HAUS5: variants seen among roughly 807,000 people sequenced by gnomAD.
HAUS5 encodes HAUS augmin like complex subunit 5, also known as HAUS augmin-like complex subunit 5.
HAUS5 carries 67 observed loss-of-function variants against 94.1 expected under a neutral mutation model. The observed-to-expected ratio is 0.71, with a 90% confidence interval of 0.58 to 0.87. The LOEUF (loss-of-function observed/expected upper bound fraction) is 0.87, where lower values mean the gene tolerates loss of function less well. Ranked by LOEUF, HAUS5 falls within the 40% of genes least tolerant of loss-of-function variation. The pLI, the probability that HAUS5 is intolerant of heterozygous loss-of-function variation, is 0.00. For missense variants in HAUS5, 739 were observed against 825.6 expected (o/e 0.90, Z 1.29); for synonymous variants, 339 against 355.4 (o/e 0.95, Z 0.52).
At chr19:35,614,170 C>A in intron 4 of HAUS5, 111 bp downstream of exon 4, 4 of 937,872 alleles carry the variant, frequency 4.3e-6, no homozygotes, top group Non-Finnish European at 6.9e-6. Context: ...GGTCACAAGA[C>A]AGCCTTGATC....
At chr19:35,620,627 C>T (rs1057041591) in intron 17 of HAUS5, among the ~76,000 whole-genome samples, 1 of 152,202 alleles carries the variant, frequency 6.6e-6, no homozygotes, top group African/African-American at 2.4e-5. Context: ...AGCTACACTG[C>T]CGTCGACTTT....
At chr19:35,617,393 A>G (rs769285187) in intron 8 of HAUS5, 24 bp downstream of exon 8, 1 of 1,541,006 alleles carries the variant, frequency 6.5e-7, no homozygotes, top group South Asian at 1.1e-5. Context: ...GCCCCCAGAG[A>G]CCCTGTAAAG....
intron 6 of HAUS5, 98 bp from the exon 7 acceptor site, chr19:35,617,026 G>A: frequency 2.1e-6 from 2 of 974,352 alleles, no homozygotes; most frequent in Non-Finnish European, 3.3e-6. Context: ...TCTAGGCTTA[G>A]TGATTCCTCT....
Position 35,617,384 on chromosome 19 carries a change from C to G in HAUS5, c.638+15C>G, listed in dbSNP as rs771306960. 6.4e-7 allele frequency: 1 copy of G among 1,565,430 alleles called. No individual in the cohort carries two copies. The highest frequency in any genetic ancestry group is 1.7e-5 in the Admixed American group (1 of 59,472). ...GGCAGCCTCCCGTGAGTGTCCCTAG[C>G]CCCCAGAGACCCTGTAAAGACCCTG... On this transcript the variant is annotated intron_variant, in intron 8 of 18. Coordinates refer to ENST00000203166, the MANE Select transcript of HAUS5 (RefSeq NM_015302.2).
chr19:35,622,553 C>T (rs759677121), intron 17 of HAUS5, 48 bp from the exon 18 acceptor site: 10 of 1,597,406 alleles, frequency 6.3e-6, no homozygotes, highest in Non-Finnish European at 2.6e-6. Flanking sequence ...TGTAAGGTAC[C>T]AGCGAGCCAG....
chr19:35,615,841 G>C (rs2071937928), intron 6 of HAUS5, among the ~76,000 whole-genome samples: 1 of 152,208 alleles, frequency 6.6e-6, no homozygotes, highest in Non-Finnish European at 1.5e-5. Flanking sequence ...GGAATAGCAA[G>C]AGCAGAGGTG....
rs1967245365 is a variant in HAUS5 at position 35,623,194 on chromosome 19, AC to A, written c.*205del. 1.1e-5 allele frequency: 6 copies of A among 563,154 alleles called. No individual in the cohort carries two copies. The highest frequency in any genetic ancestry group is 1.9e-5 in the African/African-American group (1 of 52,598). The allele number at this position is 563,154 out of a possible 1,614,324, so 34.9% of individuals were successfully genotyped here. A position where few individuals can be genotyped will look rare whatever the true frequency, so the allele number is the denominator to read the frequency against. The stretch of plus-strand genomic sequence containing the variant: ...TCATCCCGCTAAAGCACCCCCTAAA[AC>A]CCCTTCATCACTTTCATTCTCAGCA... On this transcript the variant is annotated 3_prime_UTR_variant, in exon 19 of 19. Coordinates refer to ENST00000203166, the MANE Select transcript of HAUS5 (RefSeq NM_015302.2).
Position 35,618,912 on chromosome 19 carries a change from C to A in HAUS5, c.1042C>A (p.Arg348Ser), listed in dbSNP as rs778220521. 1.2e-6 allele frequency: 2 copies of A among 1,610,850 alleles called. No individual in the cohort carries two copies. The highest frequency in any genetic ancestry group is 1.7e-6 in the Non-Finnish European group (2 of 1,178,588). Reference sequence around the variant, plus strand: ...GCAGGTGCTGATACTGGGGCTTCGGCGCTGTTGCCTGTGGACGGAGCTCAA... The same window carrying A: ...GCAGGTGCTGATACTGGGGCTTCGGAGCTGTTGCCTGTGGACGGAGCTCAA... ...ERQVLILGLR[R>S]CCLWTELKAL... Residue 348 changes from arginine (R) to serine (S), a missense_variant, in exon 13 of 19, where the codon CGC (arginine) becomes AGC (serine). Physicochemically the swap from Arg to Ser is moderately radical, Grantham distance 110 (BLOSUM62 -1). Transcript: ENST00000203166.
At position 35,619,520 on chromosome 19, in the gene HAUS5, G is replaced by T. The variant is rs1248406526; in HGVS notation, c.1260+16G>T. On this transcript the variant is annotated intron_variant, in intron 14 of 18. Coordinates refer to ENST00000203166, the MANE Select transcript of HAUS5 (RefSeq NM_015302.2). Reference sequence around the variant, plus strand: ...CCCGGGGGAGGTGAGATGGGAGTTGGGGTGAGGTCTGGGTAGGGCTGGATC... The same window carrying T: ...CCCGGGGGAGGTGAGATGGGAGTTGTGGTGAGGTCTGGGTAGGGCTGGATC... The T allele has an allele frequency of 6.2e-7, 1 of 1,609,070 alleles. No individual in the cohort carries two copies.
At position 35,618,129 on chromosome 19, in the gene HAUS5, C is replaced by T. The variant is rs1361190038; in HGVS notation, c.755C>T (p.Ala252Val). 1 of 1,609,940 alleles carries T rather than the reference C, an allele frequency of 6.2e-7. No homozygotes were observed. Among genetic ancestry groups the T allele is most frequent in the Non-Finnish European group, 8.5e-7 (1 of 1,177,200 alleles). ...HVLAALEHLA[A>V]EREAEIRSLC... is the part of the protein sequence containing the mutation. ...CTGGCTGCCTTGGAGCACCTGGCTG[C>T]AGAGCGGGAGGCAGAGATTCGGTCC... is the stretch of plus-strand genomic sequence containing the variant. The change falls in exon 10 of 19, where the codon GCA becomes GTA. Residue 252 changes from alanine (A) to valine (V), a missense_variant. Coordinates refer to ENST00000203166, the MANE Select transcript of HAUS5 (RefSeq NM_015302.2).
chr19:35,622,742 G>A lies in HAUS5; in HGVS notation c.1784+9G>A, dbSNP rs774805016. ...GGGATCGTGGGGGACTGGTGAGAGG[G>A]GAACGTGCCGCGGATGGGAAACAGA... On this transcript the variant is annotated intron_variant, in intron 18 of 18. Coordinates refer to ENST00000203166, the MANE Select transcript of HAUS5 (RefSeq NM_015302.2). 3.7e-6 allele frequency: 6 copies of A among 1,613,920 alleles called. No individual in the cohort carries two copies. In the East Asian group the frequency reaches 1.3e-4, roughly 36 times the overall value.
chr19:35,618,896 G>A lies in HAUS5; in HGVS notation c.1026G>A (p.Leu342=). 1.2e-6 allele frequency: 2 copies of A among 1,606,358 alleles called. No homozygotes were observed. The highest frequency in any genetic ancestry group is 1.7e-5 in the Admixed American group (1 of 58,158). The change falls in exon 13 of 19, where the codon CTG becomes CTA. Residue 342 remains leucine, a synonymous_variant. Transcript: ENST00000203166. The part of the protein sequence containing the change: ...RVLGSSERQV[L]ILGLRRCCLW... ...TCCACTTGCCCTGCAGGCAGGTGCT[G>A]ATACTGGGGCTTCGGCGCTGTTGCC...
chr19:35,615,006 G>A (rs7249516), intron 4 of HAUS5, 36 bp from the exon 5 acceptor site: 160,143 of 1,500,112 alleles, frequency 0.11, 9,203 homozygotes, highest in Admixed American at 0.19. Context: ...GCTGAGCCCC[G>A]ATCAGACCAT....
In HAUS5 at chr19:35,617,267, C is replaced by G; in HGVS notation, c.556-20C>G. The G allele has an allele frequency of 1.2e-6, 2 of 1,610,912 alleles. No homozygotes were observed. Among genetic ancestry groups the G allele is most frequent in the Non-Finnish European group, 8.5e-7 (1 of 1,177,116 alleles). ...AGATGCTAGGGTCCCCCTCAGGTCC[C>G]TTCCTCCTCTTCTCCCTAGCGTGAT... is the stretch of plus-strand genomic sequence containing the variant. On this transcript the variant is annotated intron_variant, in intron 7 of 18. Transcript: ENST00000203166.
chr19:35,620,238 AC>A lies in HAUS5; in HGVS notation c.1564del (p.Leu522PhefsTer18). The A allele has an allele frequency of 6.2e-7, 1 of 1,613,378 alleles. No individual in the cohort carries two copies. Among genetic ancestry groups the A allele is most frequent in the Non-Finnish European group, 8.5e-7 (1 of 1,179,834 alleles). Reference sequence around the variant, plus strand: ...CCGGCGGCTGCCTCTCTTCGCCAGGACCTTCTGCTCCTGCAGGACCAGCGGA... The same window carrying A: ...CCGGCGGCTGCCTCTCTTCGCCAGGACTTCTGCTCCTGCAGGACCAGCGGA... ...LLPAAASLRQ[D>X]LLLLQDQRSL... On this transcript the variant is annotated frameshift_variant, in exon 17 of 19. Transcript: ENST00000203166. LOFTEE classifies it high-confidence loss of function.
At chr19:35,614,234 G>A in intron 4 of HAUS5, 175 bp downstream of exon 4, 1 of 661,998 alleles carries the variant, frequency 1.5e-6, no homozygotes. Flanking sequence ...TCAGCCAGGT[G>A]CAGTGGCTCA....
rs776528142 is a variant in HAUS5, at chr19:35,620,162, G to A, written c.1519-33G>A. ...TCCTGTGACTTGTCTCCCCAGCCCC[G>A]CCCCAGGTGACCGTCCTTCCCTCCT... On this transcript the variant is annotated intron_variant, in intron 16 of 18. Transcript: ENST00000203166. 17 of 1,610,990 alleles carry A rather than the reference G, an allele frequency of 1.1e-5. No homozygotes were observed. In the East Asian group the frequency reaches 2.0e-4, roughly 19 times the overall value.
intron 6 of HAUS5, 109 bp downstream of exon 6, chr19:35,615,495 A>G: frequency 1.2e-6 from 1 of 847,388 alleles, no homozygotes; most frequent in South Asian, 1.8e-5. Context: ...TGGAACCATT[A>G]GGATGGAATG....
chr19:35,620,474 G>A (rs778357954), intron 17 of HAUS5, 147 bp downstream of exon 17: 22 of 705,722 alleles, frequency 3.1e-5, no homozygotes, highest in African/African-American at 5.3e-5. Flanking sequence ...TCATCTGCAC[G>A]GCAGTCCCAT....
Sources: allele counts gnomAD v4.1 joint callset (sites outside exome capture counted in the v4.1 genomes callset), GRCh38; gene constraint gnomAD v4.1.1; transcripts MANE v1.5; gene names NCBI Gene and HGNC (gene_info 2026-07-23, HGNC 2026-07-21).